The following ARHGEF11 variants were observed in gnomAD, a reference collection of about 807,000 sequenced individuals.
ARHGEF11 encodes the protein Rho guanine nucleotide exchange factor 11.
In ARHGEF11, 55 loss-of-function variants were observed where a neutral mutation model predicts 193.7. That is an observed-to-expected ratio of 0.28 (90% CI 0.23 to 0.36). The LOEUF is 0.36. Ranked by LOEUF, ARHGEF11 falls within the 10% of genes least tolerant of loss-of-function variation. ARHGEF11 has a pLI of 1.00. For synonymous variants in ARHGEF11, 693 were observed against 768.0 expected, an observed-to-expected ratio of 0.90 and a Z score of 1.62; for missense variants, 1,723 against 2,005.6, an observed-to-expected ratio of 0.86 and a Z score of 2.69.
intron 1 of ARHGEF11, among the ~76,000 whole-genome samples, chr1:157,036,235 T>G (rs1406207689): frequency 1.4e-5 from 2 of 147,592 alleles, no homozygotes; most frequent in Admixed American, 1.4e-4. Flanking sequence ...TTAATCAGGA[T>G]CCATCAAATA....
At chr1:156,942,593 G>T in intron 33 of ARHGEF11, 97 bp downstream of exon 33, 1 of 1,110,352 alleles carries the variant, frequency 9.0e-7, no homozygotes, top group Non-Finnish European at 1.3e-6. Flanking sequence ...GGACTGCTTT[G>T]GGGCCCAAAC....
intron 1 of ARHGEF11, among the ~76,000 whole-genome samples, chr1:157,007,910 TTTG>T (rs1198991471): frequency 3.6e-5 from 2 of 55,920 alleles, no homozygotes; most frequent in African/African-American, 5.3e-5. Flanking sequence ...TTTTTTTTTT[TTTG>T]TTTTTTTTTT....
intron 7 of ARHGEF11, among the ~76,000 whole-genome samples, chr1:156,974,923 T>C (rs1663053224): frequency 6.6e-6 from 1 of 152,194 alleles, no homozygotes; most frequent in African/African-American, 2.4e-5. Flanking sequence ...CGGAAGAACA[T>C]TTGGGTTGTT....
At chr1:157,034,218 C>A (rs1473232526) in intron 1 of ARHGEF11, among the ~76,000 whole-genome samples, 4 of 152,190 alleles carry the variant, frequency 2.6e-5, no homozygotes, top group African/African-American at 9.6e-5. Context: ...TACACTCTCT[C>A]CAGCCACCTC....
intron 1 of ARHGEF11, among the ~76,000 whole-genome samples, chr1:156,998,658 G>T (rs1666853498): frequency 1.3e-5 from 2 of 152,108 alleles, no homozygotes; most frequent in Non-Finnish European, 2.9e-5. Flanking sequence ...GACACAATTA[G>T]TAAGCTACTG....
At chr1:157,033,253 CTT>C (rs965090056) in intron 1 of ARHGEF11, among the ~76,000 whole-genome samples, 5 of 150,878 alleles carry the variant, frequency 3.3e-5, no homozygotes, top group Non-Finnish European at 7.4e-5. Context: ...TCCAGAGTTC[CTT>C]TTTTTTTATT....
At chr1:156,963,172 C>T (rs1229792503) in intron 13 of ARHGEF11, 31 bp downstream of exon 13, 2 of 1,531,716 alleles carry the variant, frequency 1.3e-6, no homozygotes, top group Non-Finnish European at 1.8e-6. Context: ...TACCAGCAGG[C>T]ACTCAATCAA....
chr1:156,947,971 G>C lies in ARHGEF11; in HGVS notation c.2154-15C>G, dbSNP rs765414307. On this transcript the variant is annotated splice_polypyrimidine_tract_variant and intron_variant, in intron 24 of 40. Coordinates refer to ENST00000368194, the MANE Select transcript of ARHGEF11 (RefSeq NM_198236.3). The stretch of plus-strand genomic sequence containing the variant: ...ACTCAATGCTCCTGGGGGAAAACAG[G>C]CAGCTCAGCTTCATTTAGGAGGAAG... 1 of 1,610,598 alleles carries C rather than the reference G, an allele frequency of 6.2e-7. No individual in the cohort carries two copies.
intron 1 of ARHGEF11, among the ~76,000 whole-genome samples, chr1:157,040,134 G>A (rs2103089551): frequency 6.6e-6 from 1 of 152,182 alleles, no homozygotes; most frequent in Non-Finnish European, 1.5e-5. Flanking sequence ...TTCTCATAAT[G>A]GTGATTAATT....
intron 40 of ARHGEF11, 131 bp downstream of exon 40, chr1:156,936,685 A>G: frequency 9.2e-7 from 1 of 1,083,696 alleles, no homozygotes; most frequent in East Asian, 2.4e-5. Flanking sequence ...AAGCTGAGAG[A>G]ATGAACTCGT....
intron 1 of ARHGEF11, among the ~76,000 whole-genome samples, chr1:157,026,288 C>A (rs904612780): frequency 6.6e-6 from 1 of 152,236 alleles, no homozygotes; most frequent in African/African-American, 2.4e-5. Flanking sequence ...TTTGCCCATT[C>A]TGTGCTTCCT....
intron 39 of ARHGEF11, 75 bp downstream of exon 39, chr1:156,937,174 A>C: frequency 6.3e-7 from 1 of 1,599,374 alleles, no homozygotes; most frequent in Non-Finnish European, 8.5e-7. Context: ...GCGAAGACAC[A>C]CATCTCACTC....
In ARHGEF11 at chr1:156,947,368, G is replaced by T; in HGVS notation, c.2424C>A (p.Asn808Lys). Residue 808 changes from asparagine to lysine, a missense_variant, in exon 26 of 41, where the codon AAC becomes AAA. By Grantham distance (94) the Asn-to-Lys change is moderately conservative. This residue lies in a region of ARHGEF11 where 491 missense variants were observed against 654.5 expected (regional missense o/e 0.75). Transcript: ENST00000368194. ...GGGCCAGCTCCTCCCGGGGCATCAGGTTCTCCTTCTTCATTCGCTGGTAGA... is the reference window on the plus strand; with the variant it reads ...GGGCCAGCTCCTCCCGGGGCATCAGTTTCTCCTTCTTCATTCGCTGGTAGA... ...LIFYQRMKKE[N>K]LMPREELARL... is the part of the protein sequence containing the mutation. 1 of 1,614,078 alleles carries T rather than the reference G, an allele frequency of 6.2e-7. No individual in the cohort carries two copies. The highest frequency in any genetic ancestry group is 8.5e-7 in the Non-Finnish European group (1 of 1,180,004).
intron 10 of ARHGEF11, among the ~76,000 whole-genome samples, chr1:156,968,711 A>AC (rs1305286603): frequency 6.6e-6 from 1 of 152,202 alleles, no homozygotes; most frequent in East Asian, 1.9e-4. Flanking sequence ...CTTCATTACT[A>AC]CTTCTTCCAT....
At chr1:157,014,197 T>C (rs1354195662) in intron 1 of ARHGEF11, among the ~76,000 whole-genome samples, 4 of 152,178 alleles carry the variant, frequency 2.6e-5, no homozygotes, top group African/African-American at 7.2e-5. Context: ...TTAGATTGTA[T>C]TGCCTCTTAC....
intron 1 of ARHGEF11, among the ~76,000 whole-genome samples, chr1:157,003,872 TA>T (rs1211571098): frequency 6.6e-6 from 1 of 152,214 alleles, no homozygotes; most frequent in African/African-American, 2.4e-5. Context: ...ACGGGATTGT[TA>T]AGAGATTAAA....
intron 11 of ARHGEF11, among the ~76,000 whole-genome samples, chr1:156,967,500 C>T (rs16837868): frequency 0.014 from 2,085 of 152,218 alleles, 55 homozygotes; most frequent in African/African-American, 0.048. Context: ...TTTTGCAGAA[C>T]CTTAGGGCTC....
At chr1:156,963,349 G>A in intron 12 of ARHGEF11, 45 bp from the exon 13 acceptor site, 4 of 1,565,414 alleles carry the variant, frequency 2.6e-6, no homozygotes, top group Non-Finnish European at 3.5e-6. Context: ...GGGCACAGCA[G>A]CACAGCGGGT....
At chr1:157,039,206 T>C (rs758095538) in intron 1 of ARHGEF11, among the ~76,000 whole-genome samples, 19 of 152,214 alleles carry the variant, frequency 1.2e-4, no homozygotes, top group Non-Finnish European at 2.5e-4. Flanking sequence ...AGCCAGACAA[T>C]GATTTCTGAA....
Sources: allele counts gnomAD v4.1 joint callset (sites outside exome capture counted in the v4.1 genomes callset), GRCh38; gene constraint gnomAD v4.1.1; regional missense constraint gnomAD v4.1.1; transcripts MANE v1.5; gene names NCBI Gene and HGNC (gene_info 2026-07-23, HGNC 2026-07-21).